The following PCDH9 variants were observed in gnomAD, a reference collection of about 807,000 sequenced individuals.
The protein encoded by PCDH9 is protocadherin 9.
PCDH9 carries 24 observed loss-of-function variants against 70.6 expected under a neutral mutation model. The observed-to-expected ratio is 0.34, with a 90% CI of 0.25 to 0.48. PCDH9 has a LOEUF of 0.48. Ranked by LOEUF, PCDH9 falls within the 20% of genes least tolerant of loss-of-function variation. PCDH9 has a pLI of 0.99. For synonymous variants in PCDH9, 562 were observed against 558.5 expected, an observed-to-expected ratio of 1.01 and a Z score of -0.09; for missense variants, 1,281 against 1,503.6, an observed-to-expected ratio of 0.85 and a Z score of 2.45.
intron 2 of PCDH9, among the ~76,000 whole-genome samples, chr13:67,147,508 GGA>G (rs1435273551): frequency 6.6e-6 from 1 of 152,126 alleles, no homozygotes; most frequent in Non-Finnish European, 1.5e-5. Context: ...CAGTGTCCCT[GGA>G]GAGAGTCTAC....
intron 2 of PCDH9, chr13:67,224,405 C>G (rs2089801103): frequency 3.3e-5 from 5 of 152,200 alleles, no homozygotes; most frequent in African/African-American, 9.6e-5. Context: ...GGCACCTGGC[C>G]AGCACAAGCG....
chr13:66,732,515 AT>A (rs1261243030), intron 3 of PCDH9, among the ~76,000 whole-genome samples: 2 of 152,142 alleles, frequency 1.3e-5, no homozygotes, highest in Admixed American at 1.3e-4. Context: ...AAGAAAAAAT[AT>A]TACCACCCCA....
chr13:67,198,773 A>G (rs1366002072), intron 2 of PCDH9, among the ~76,000 whole-genome samples: 3 of 151,944 alleles, frequency 2.0e-5, no homozygotes, highest in Non-Finnish European at 4.4e-5. Flanking sequence ...CATATGAATA[A>G]ATAGTTACTC....
intron 2 of PCDH9, among the ~76,000 whole-genome samples, chr13:66,952,256 T>C (rs2083194368): frequency 6.6e-6 from 1 of 152,144 alleles, no homozygotes; most frequent in East Asian, 1.9e-4. Context: ...CAAGTCTGTT[T>C]CCCTGTATTT....
chr13:66,825,699 A>C (rs2080812099), intron 3 of PCDH9, among the ~76,000 whole-genome samples: 1 of 152,208 alleles, frequency 6.6e-6, no homozygotes, highest in African/African-American at 2.4e-5. Flanking sequence ...AAAATTACAA[A>C]GGAAATGATA....
chr13:66,820,019 T>A (rs1190476372), intron 3 of PCDH9, among the ~76,000 whole-genome samples: 1 of 152,200 alleles, frequency 6.6e-6, no homozygotes, highest in African/African-American at 2.4e-5. Context: ...AAAGAATGCT[T>A]ACCTGTTACT....
At chr13:66,562,557 A>AG in intron 4 of PCDH9, among the ~76,000 whole-genome samples, 1 of 152,286 alleles carries the variant, frequency 6.6e-6, no homozygotes, top group African/African-American at 2.4e-5. Context: ...GAGCATGTGC[A>AG]GGGGAACTGC....
intron 4 of PCDH9, among the ~76,000 whole-genome samples, chr13:66,629,551 A>C (rs748926224): frequency 1.2e-4 from 19 of 152,228 alleles, no homozygotes; most frequent in African/African-American, 4.1e-4. Flanking sequence ...AAATCAAAAG[A>C]GGATAGTTCT....
intron 4 of PCDH9, among the ~76,000 whole-genome samples, chr13:66,348,675 A>ATTTTTTTTTTTTTTTTTTTTTTTTTTTT (rs59340641): frequency 7.3e-6 from 1 of 136,104 alleles, no homozygotes. Context: ...GCTATTTGCC[A>ATTTTTTTTTTTTTTTTTTTTTTTTTTTT]TTTTTTTTTT....
At chr13:66,928,786 T>G (rs1043816512) in intron 2 of PCDH9, among the ~76,000 whole-genome samples, 1 of 152,128 alleles carries the variant, frequency 6.6e-6, no homozygotes, top group African/African-American at 2.4e-5. Flanking sequence ...TACATTTCTA[T>G]TTTTTATAAG....
intron 2 of PCDH9, among the ~76,000 whole-genome samples, chr13:66,984,941 A>G (rs2083859166): frequency 6.6e-6 from 1 of 152,004 alleles, no homozygotes. Context: ...TTCCCATTGC[A>G]TTGGCTGTCT....
chr13:67,067,982 T>C (rs1259899036), intron 2 of PCDH9, among the ~76,000 whole-genome samples: 1 of 152,148 alleles, frequency 6.6e-6, no homozygotes, highest in Non-Finnish European at 1.5e-5. Flanking sequence ...TGACAGCATG[T>C]AGTTTTGATA....
intron 4 of PCDH9, among the ~76,000 whole-genome samples, chr13:66,341,375 T>C (rs1956121076): frequency 6.6e-6 from 1 of 152,166 alleles, no homozygotes; most frequent in African/African-American, 2.4e-5. Flanking sequence ...ATTACAAGCA[T>C]GAGCCACCAT....
intron 3 of PCDH9, among the ~76,000 whole-genome samples, chr13:66,769,274 T>A (rs2139269249): frequency 6.6e-6 from 1 of 152,132 alleles, no homozygotes; most frequent in Non-Finnish European, 1.5e-5. Context: ...CCCTAACAAC[T>A]CCATGGATTA....
chr13:66,894,093 ATC>A (rs547313832), intron 3 of PCDH9, among the ~76,000 whole-genome samples: 36 of 152,232 alleles, frequency 2.4e-4, no homozygotes, highest in African/African-American at 8.2e-4. Flanking sequence ...TGGCCCCAGA[ATC>A]TCTCTTTCTC....
chr13:67,006,735 T>C (rs975408453), intron 2 of PCDH9, among the ~76,000 whole-genome samples: 2 of 152,216 alleles, frequency 1.3e-5, no homozygotes, highest in African/African-American at 2.4e-5. Context: ...GCTCCTGTTA[T>C]GTAGTGAACA....
At chr13:66,539,562 G>C (rs555070111) in intron 4 of PCDH9, among the ~76,000 whole-genome samples, 6 of 152,090 alleles carry the variant, frequency 3.9e-5, no homozygotes, top group Non-Finnish European at 8.8e-5. Flanking sequence ...ATAGAGCTCA[G>C]ACATGGCTGG....
chr13:67,025,054 C>T (rs1378122050), intron 2 of PCDH9, among the ~76,000 whole-genome samples: 1 of 151,948 alleles, frequency 6.6e-6, no homozygotes, highest in Non-Finnish European at 1.5e-5. Flanking sequence ...TGGAATTTAC[C>T]ATGAAGTATA....
intron 3 of PCDH9, among the ~76,000 whole-genome samples, chr13:66,841,090 T>A (rs989708123): frequency 2.0e-5 from 3 of 152,242 alleles, no homozygotes; most frequent in African/African-American, 7.2e-5. Context: ...TTTTTAAGGA[T>A]AATTTATTTT....
Sources: gnomAD v4.1 joint callset for allele counts (sites outside exome capture counted in the v4.1 genomes callset) on GRCh38, gnomAD v4.1.1 for gene constraint, MANE v1.5 for transcripts, NCBI Gene and HGNC (gene_info 2026-07-23, HGNC 2026-07-21) for gene names.